The following PRDX2 variants were observed in gnomAD, a reference collection of about 807,000 sequenced individuals.
The protein encoded by PRDX2 is peroxiredoxin 2.
In PRDX2, 10 loss-of-function variants were observed where a neutral mutation model predicts 19.8. The ratio of observed to expected loss-of-function variants is 0.50; its 90% CI spans 0.31 to 0.86. The LOEUF is 0.86. PRDX2 is among the 40% of genes least tolerant of loss of function. The pLI is 0.04. For synonymous variants in PRDX2, 118 were observed against 108.2 expected, an observed-to-expected ratio of 1.09 and a Z score of -0.56; for missense variants, 226 against 260.1, an observed-to-expected ratio of 0.87 and a Z score of 0.90.
Position 12,799,979 on chromosome 19 carries a change from T to C in PRDX2, c.391A>G (p.Ile131Val), listed in dbSNP as rs1414795302. ...CGAAGGACACCCTTGCCATCGATGATAAAGAGGCCCCTGAAGACATCAGGG... is the reference window on the plus strand; with the variant it reads ...CGAAGGACACCCTTGCCATCGATGACAAAGAGGCCCCTGAAGACATCAGGG... ...DEGIAYRGLF[I>V]IDGKGVLRQI... is the part of the protein sequence containing the mutation. The change falls in exon 5 of 6, where the codon ATC (isoleucine) becomes GTC (valine). Residue 131 changes from isoleucine to valine, a missense_variant. By Grantham distance (29) the Ile-to-Val change is conservative. Coordinates refer to ENST00000301522, the MANE Select transcript of PRDX2 (RefSeq NM_005809.6). 5.6e-6 allele frequency: 9 copies of C among 1,613,840 alleles called. No individual in the cohort carries two copies. The highest frequency in any genetic ancestry group is 5.9e-6 in the Non-Finnish European group (7 of 1,179,896).
chr19:12,800,231 C>T lies in PRDX2; in HGVS notation c.326G>A (p.Arg109Lys). The change falls in exon 4 of 6, where the codon AGA becomes AAA. Residue 109 changes from arginine (R) to lysine (K), a missense_variant. Arg to Lys is a conservative substitution (Grantham distance 26). Transcript: ENST00000301522. Reference protein sequence around the residue: ...LNIPLLADVTRRLSEDYGVLK... With the variant: ...LNIPLLADVTKRLSEDYGVLK... ...CACGCCGTAATCCTCAGACAAGCGT[C>T]TGGTCACGTCAGCAAGCAGGGGGAT... 1 of 1,613,934 alleles carries T rather than the reference C, an allele frequency of 6.2e-7. No individual in the cohort carries two copies. The highest frequency in any genetic ancestry group is 1.7e-5 in the Admixed American group (1 of 60,006).
rs1006483936 is a variant in PRDX2, at chr19:12,801,062, G to A, written c.111C>T (p.Tyr37=). 1.9e-6 allele frequency: 3 copies of A among 1,610,828 alleles called. No individual in the cohort carries two copies. The highest frequency in any genetic ancestry group is 2.2e-5 in the East Asian group (1 of 44,832). The change falls in exon 3 of 6, where the codon TAC becomes TAT. Residue 37 remains tyrosine, a synonymous_variant. Coordinates refer to ENST00000301522, the MANE Select transcript of PRDX2 (RefSeq NM_005809.6). ...CCAGAGGGTAGAAAAAGAGGACCAC[G>A]TACTTCCCTGGGGAGGAGGGACACA... is the stretch of plus-strand genomic sequence containing the variant. ...EVKLSDYKGK[Y]VVLFFYPLDF... is the part of the protein sequence containing the mutation.
Position 12,801,350 on chromosome 19 carries a change from ATGAC to A in PRDX2, c.-9-84_-9-81del, listed in dbSNP as rs2145818059. ...AAGGTCGCGCTGCGTGCTGGGCCCT[ATGAC>A]TGAGTCAGCACGGCGGAGGCGACAG... On this transcript the variant is annotated intron_variant, in intron 1 of 5. Coordinates refer to ENST00000301522, the MANE Select transcript of PRDX2 (RefSeq NM_005809.6). The A allele has an allele frequency of 5.0e-6, 7 of 1,413,732 alleles. No homozygotes were observed. The East Asian group carries it at 1.7e-4, about 35-fold the overall frequency. 87.6% of individuals were successfully genotyped at this position (1,413,732 alleles called of 1,614,324 possible).
rs367846144 is a variant in PRDX2 at position 12,800,331 on chromosome 19, A to C, written c.258-32T>G. 2.6e-4 allele frequency: 416 copies of C among 1,600,356 alleles called. 2 individuals carry two copies. The highest frequency in any genetic ancestry group is 7.2e-4 in the South Asian group (64 of 89,084). On this transcript the variant is annotated intron_variant, in intron 3 of 5. Coordinates refer to ENST00000301522, the MANE Select transcript of PRDX2 (RefSeq NM_005809.6). ...GTAGGGGAGACAGAGTTGGGGCCTCAGGATGCCTGGCACAGCAGGGTCCTC... is the reference window on the plus strand; with the variant it reads ...GTAGGGGAGACAGAGTTGGGGCCTCCGGATGCCTGGCACAGCAGGGTCCTC...
At chr19:12,797,416 T>C (rs140428358) in intron 5 of PRDX2, among the ~76,000 whole-genome samples, 3 of 150,856 alleles carry the variant, frequency 2.0e-5, no homozygotes, top group Non-Finnish European at 4.4e-5. Flanking sequence ...CTCTCCCTCC[T>C]GGGTTCAAGC....
chr19:12,799,699 T>C (rs1968854645), intron 5 of PRDX2, 160 bp downstream of exon 5: 1 of 1,017,082 alleles, frequency 9.8e-7, no homozygotes, highest in East Asian at 2.7e-5. Flanking sequence ...GTTATTTGTC[T>C]CCTACCACAT....
intron 5 of PRDX2, among the ~76,000 whole-genome samples, chr19:12,798,692 T>C (rs1159148376): frequency 2.4e-5 from 3 of 124,940 alleles, no homozygotes; most frequent in Non-Finnish European, 5.1e-5. Context: ...CCCCATCTCT[T>C]AAAAAAAAAA....
chr19:12,801,193 G>T lies in PRDX2; in HGVS notation c.69C>A (p.Gly23=). ...CCGACAGCTTCACCTCTTTGAAGGC[G>T]CCATCAACCACCGCTGTGGCCTTGA... is the stretch of plus-strand genomic sequence containing the variant. ...PDFKATAVVD[G]AFKEVKLSDY... is the part of the protein sequence containing the mutation. The change falls in exon 2 of 6, where the codon GGC becomes GGA. Residue 23 remains glycine (G), a synonymous_variant. Transcript: ENST00000301522. 1 of 1,613,986 alleles carries T rather than the reference G, an allele frequency of 6.2e-7. No individual in the cohort carries two copies. The highest frequency in any genetic ancestry group is 8.5e-7 in the Non-Finnish European group (1 of 1,180,018).
At position 12,800,362 on chromosome 19, in the gene PRDX2, G is replaced by A. The variant is rs865863605; in HGVS notation, c.258-63C>T. ...CCTGGCACAGCAGGGTCCTCACCCT[G>A]TGGGCCCAATGTGATAAGCACTGGA... On this transcript the variant is annotated intron_variant, in intron 3 of 5. Coordinates refer to ENST00000301522, the MANE Select transcript of PRDX2 (RefSeq NM_005809.6). 51 of 1,568,766 alleles carry A rather than the reference G, an allele frequency of 3.3e-5. No homozygotes were observed. The Middle Eastern group carries it at 5.1e-4, about 16-fold the overall frequency.
intron 5 of PRDX2, among the ~76,000 whole-genome samples, chr19:12,797,759 G>A (rs1477826578): frequency 6.8e-6 from 1 of 146,626 alleles, no homozygotes; most frequent in East Asian, 2.0e-4. Context: ...CCGCGTTCAA[G>A]TGATTCTCCT....
Position 12,797,002 on chromosome 19 carries a change from G to T in PRDX2, c.*79C>A. The T allele has an allele frequency of 1.4e-6, 2 of 1,445,094 alleles. No individual in the cohort carries two copies. The highest frequency in any genetic ancestry group is 9.6e-7 in the Non-Finnish European group (1 of 1,036,794). 89.5% of individuals were successfully genotyped at this position (1,445,094 alleles called of 1,614,324 possible). On this transcript the variant is annotated 3_prime_UTR_variant, in exon 6 of 6. Coordinates refer to ENST00000301522, the MANE Select transcript of PRDX2 (RefSeq NM_005809.6). ...TCTGGCCTTTCCTGGGTCAGCATAG[G>T]GCACCCAGGTGGGGGCACAGGTGGA...
chr19:12,801,443 T>C (rs1242341060), intron 1 of PRDX2, among the ~76,000 whole-genome samples, 173 bp from the exon 2 acceptor site: 4 of 152,186 alleles, frequency 2.6e-5, no homozygotes, highest in African/African-American at 9.7e-5. Flanking sequence ...AGACCCGCTC[T>C]CCTGACCAGA....
At chr19:12,800,773 A>G in intron 3 of PRDX2, 143 bp downstream of exon 3, 1 of 1,543,364 alleles carries the variant, frequency 6.5e-7, no homozygotes, top group African/African-American at 1.4e-5. Context: ...ATCATCCTTA[A>G]AGACTTGGGC....
chr19:12,797,189 A>T (rs768699877), intron 5 of PRDX2, 23 bp from the exon 6 acceptor site: 1 of 1,605,424 alleles, frequency 6.2e-7, no homozygotes, highest in Non-Finnish European at 8.5e-7. Flanking sequence ...ACAAGGATGC[A>T]CATGAAGGCT....
At position 12,796,993 on chromosome 19, in the gene PRDX2, T is replaced by A; in HGVS notation, c.*88A>T. The A allele has an allele frequency of 7.2e-7, 1 of 1,383,670 alleles. No individual in the cohort carries two copies. Among genetic ancestry groups the A allele is most frequent in the Non-Finnish European group, 1.0e-6 (1 of 988,104 alleles). The allele number at this position is 1,383,670 out of a possible 1,614,324, so 85.7% of individuals were successfully genotyped here. A position where few individuals can be genotyped will look rare whatever the true frequency, so the allele number is the denominator to read the frequency against. ...AGGGGCAGGTCTGGCCTTTCCTGGGTCAGCATAGGGCACCCAGGTGGGGGC... is the reference window on the plus strand; with the variant it reads ...AGGGGCAGGTCTGGCCTTTCCTGGGACAGCATAGGGCACCCAGGTGGGGGC... On this transcript the variant is annotated 3_prime_UTR_variant, in exon 6 of 6. Transcript: ENST00000301522.
At chr19:12,798,468 C>T (rs1172686504) in intron 5 of PRDX2, among the ~76,000 whole-genome samples, 2 of 152,026 alleles carry the variant, frequency 1.3e-5, no homozygotes, top group Non-Finnish European at 2.9e-5. Context: ...TCTCTTGCCT[C>T]AGCCTCCCAA....
intron 3 of PRDX2, chr19:12,800,589 T>G (rs1968873986): frequency 9.9e-7 from 1 of 1,010,264 alleles, no homozygotes; most frequent in African/African-American, 1.6e-5. Flanking sequence ...CTCCTCTAGC[T>G]GTGTCATGGG....
intron 5 of PRDX2, among the ~76,000 whole-genome samples, chr19:12,799,053 C>T (rs961310609): frequency 9.9e-5 from 15 of 151,834 alleles, no homozygotes; most frequent in Non-Finnish European, 1.8e-4. Flanking sequence ...CACCTGCCAC[C>T]GCACCCAGCT....
chr19:12,800,289 G>T lies in PRDX2; in HGVS notation c.268C>A (p.Pro90Thr). Residue 90 changes from proline (P) to threonine (T), a missense_variant, in exon 4 of 6, where the codon CCC becomes ACC. Physicochemically the swap from Pro to Thr is conservative, Grantham distance 38. Transcript: ENST00000301522. ...QFTHLAWINT[P>T]RKEGGLGPLN... ...GGGCCCAAGCCTCCCTCTTTCCGGGGGGTGTTGATCCTGGGAGTAGGGGAG... is the reference window on the plus strand; with the variant it reads ...GGGCCCAAGCCTCCCTCTTTCCGGGTGGTGTTGATCCTGGGAGTAGGGGAG... The T allele has an allele frequency of 6.2e-7, 1 of 1,612,668 alleles. No homozygotes were observed. The highest frequency in any genetic ancestry group is 1.7e-5 in the Admixed American group (1 of 59,934).
Sources: gnomAD v4.1 joint callset for allele counts (sites outside exome capture counted in the v4.1 genomes callset) on GRCh38, gnomAD v4.1.1 for gene constraint, MANE v1.5 for transcripts, NCBI Gene and HGNC (gene_info 2026-07-23, HGNC 2026-07-21) for gene names.